The following KIAA1671 variants were observed in gnomAD, a reference collection of about 807,000 sequenced individuals.
KIAA1671 encodes the protein uncharacterized protein KIAA1671.
Under a neutral mutation model 131.2 loss-of-function variants are expected in KIAA1671, and 52 were observed. The ratio of observed to expected loss-of-function variants is 0.40; its 90% CI spans 0.32 to 0.50. KIAA1671 has a LOEUF of 0.50. KIAA1671 is among the 20% of genes least tolerant of loss of function. The pLI is 0.73. For synonymous variants in KIAA1671, 1,003 were observed against 961.6 expected (o/e 1.04, Z -0.80); for missense variants, 2,360 against 2,364.2 (o/e 1.00, Z 0.04).
At chr22:25,036,008 C>T (rs1240208375) in intron 4 of KIAA1671, among the ~76,000 whole-genome samples, 4 of 152,176 alleles carry the variant, frequency 2.6e-5, no homozygotes, top group Non-Finnish European at 5.9e-5. Flanking sequence ...GAGTTTGAGG[C>T]TGCAGTGAGC....
At position 25,018,315 on chromosome 22, in the gene KIAA1671, C is replaced by T. The variant is rs750107869; in HGVS notation, c.-207-7318C>T. Among the ~76,000 whole-genome samples, 142 of 151,934 alleles carry T rather than the reference C, an allele frequency of 9.3e-4. 1 individual carries two copies. The highest frequency in any genetic ancestry group is 2.6e-3 in the Admixed American group (39 of 15,260). ...CGCCTGAAGGGCATGGGCCCCCCGACGTGGTAATTAGAGCTTAAGCATTTG... is the reference window on the plus strand; with the variant it reads ...CGCCTGAAGGGCATGGGCCCCCCGATGTGGTAATTAGAGCTTAAGCATTTG... On this transcript the variant is annotated intron_variant, in intron 1 of 12. Transcript: ENST00000358431.
chr22:25,074,437 G>A (rs551882121), intron 6 of KIAA1671, among the ~76,000 whole-genome samples: 2 of 143,408 alleles, frequency 1.4e-5, no homozygotes, highest in Non-Finnish European at 3.0e-5. Flanking sequence ...CTTGGGAGCC[G>A]GAGGTTGCAG....
At chr22:25,129,054 G>A (rs900963303) in intron 6 of KIAA1671, among the ~76,000 whole-genome samples, 3 of 152,234 alleles carry the variant, frequency 2.0e-5, no homozygotes, top group Admixed American at 2.0e-4. Context: ...CAGAGGCTGG[G>A]GTTCTCCCTG....
At chr22:25,067,537 TTCCCTGTCTTGCCCTTCCC>T (rs1928546319) in intron 6 of KIAA1671, among the ~76,000 whole-genome samples, 4 of 152,068 alleles carry the variant, frequency 2.6e-5, no homozygotes, top group Admixed American at 2.6e-4. Context: ...ACCCTCTGTG[TTCCCTGTCTTGCCCTTCCC>T]TCCCTGTCTC....
At chr22:24,977,494 C>G (rs572736341) in intron 1 of KIAA1671, among the ~76,000 whole-genome samples, 65 of 152,312 alleles carry the variant, frequency 4.3e-4, no homozygotes, top group African/African-American at 1.6e-3. Context: ...CCTCATAGAG[C>G]CTGTGAGTCC....
chr22:24,996,725 C>T (rs1212091362), intron 1 of KIAA1671, among the ~76,000 whole-genome samples: 1 of 152,186 alleles, frequency 6.6e-6, no homozygotes, highest in Non-Finnish European at 1.5e-5. Context: ...CCCTTGGAAG[C>T]CAGTCATTGG....
At chr22:25,113,165 G>C (rs553386517) in intron 6 of KIAA1671, among the ~76,000 whole-genome samples, 1 of 152,300 alleles carries the variant, frequency 6.6e-6, no homozygotes, top group East Asian at 1.9e-4. Flanking sequence ...AGGTGGGACT[G>C]GGCCCAGAAA....
intron 1 of KIAA1671, chr22:25,023,448 A>G (rs1925780240): frequency 6.6e-6 from 1 of 152,238 alleles, no homozygotes; most frequent in Non-Finnish European, 1.5e-5. Flanking sequence ...CCTCTCCGTG[A>G]GTGGGCTTCA....
chr22:25,158,734 T>A (rs1933330573), intron 6 of KIAA1671, among the ~76,000 whole-genome samples: 1 of 152,162 alleles, frequency 6.6e-6, no homozygotes, highest in East Asian at 1.9e-4. Flanking sequence ...TGTGCCTCGG[T>A]CTTCTCATGC....
intron 6 of KIAA1671, among the ~76,000 whole-genome samples, chr22:25,170,002 C>T (rs932479669): frequency 6.6e-6 from 1 of 152,144 alleles, no homozygotes; most frequent in Admixed American, 6.5e-5. Context: ...CAAGCTCCGC[C>T]TCCCGAGTTC....
chr22:25,068,726 G>A (rs754289688), intron 6 of KIAA1671, among the ~76,000 whole-genome samples: 5 of 152,214 alleles, frequency 3.3e-5, no homozygotes, highest in South Asian at 4.1e-4. Context: ...GTGAGCCACC[G>A]TGCCCAGCCC....
chr22:25,041,653 C>T, intron 5 of KIAA1671, 128 bp downstream of exon 5: 1 of 956,742 alleles, frequency 1.0e-6, no homozygotes, highest in Non-Finnish European at 1.5e-6. Context: ...GGGTATGAGG[C>T]TCCAGGGAGG....
At chr22:24,984,369 AG>A (rs755869638) in intron 1 of KIAA1671, among the ~76,000 whole-genome samples, 12 of 152,208 alleles carry the variant, frequency 7.9e-5, no homozygotes, top group Non-Finnish European at 1.3e-4. Context: ...TCAAGGCCTC[AG>A]CTAACATCTT....
intron 6 of KIAA1671, among the ~76,000 whole-genome samples, chr22:25,096,051 A>G (rs1006917711): frequency 9.9e-5 from 15 of 152,226 alleles, no homozygotes; most frequent in African/African-American, 3.6e-4. Context: ...GTAGTTGGGG[A>G]GCTAAGCTGG....
rs1932835561 is a variant in KIAA1671 at position 25,143,577 on chromosome 22, C to T, written c.4531-27243C>T. ...CTGTGAAATGTGAGATGCTGGTCTC[C>T]ACTCATCTGGTTCCAGCTTCTCATC... On this transcript the variant is annotated intron_variant, in intron 6 of 12. Coordinates refer to ENST00000358431, the MANE Select transcript of KIAA1671 (RefSeq NM_001145206.2). 3.9e-5 allele frequency among the ~76,000 whole-genome samples: 6 copies of T among 152,144 alleles called. No individual in the cohort carries two copies. In the South Asian group the frequency reaches 1.2e-3, roughly 32 times the overall value.
chr22:25,041,606 G>A (rs947861448), intron 5 of KIAA1671, 81 bp downstream of exon 5: 2 of 1,389,344 alleles, frequency 1.4e-6, no homozygotes, highest in Non-Finnish European at 1.9e-6. Context: ...GATTTTGTGT[G>A]GCCCACTTTG....
intron 6 of KIAA1671, among the ~76,000 whole-genome samples, chr22:25,071,601 C>T (rs372193792): frequency 1.5e-5 from 2 of 130,206 alleles, no homozygotes; most frequent in African/African-American, 5.4e-5. Flanking sequence ...AAAGAAGTCT[C>T]CAATAATCGT....
At chr22:25,015,728 G>A (rs1925276199) in intron 1 of KIAA1671, among the ~76,000 whole-genome samples, 1 of 126,140 alleles carries the variant, frequency 7.9e-6, no homozygotes, top group Admixed American at 8.1e-5. Context: ...GCTTCTGTGG[G>A]TAATGGGTGT....
chr22:25,025,915 C>T (rs900453502), intron 2 of KIAA1671, 131 bp downstream of exon 2: 5 of 152,260 alleles, frequency 3.3e-5, no homozygotes, highest in African/African-American at 1.2e-4. Flanking sequence ...GTCTCATGTC[C>T]TGGCTATTAC....
Sources: allele counts gnomAD v4.1 joint callset (sites outside exome capture counted in the v4.1 genomes callset), GRCh38; gene constraint gnomAD v4.1.1; transcripts MANE v1.5; gene names NCBI Gene and HGNC (gene_info 2026-07-23, HGNC 2026-07-21).